GLB1: variants seen among roughly 807,000 people sequenced by gnomAD.
The protein encoded by GLB1 is galactosidase beta 1.
Under a neutral mutation model 74.0 loss-of-function variants are expected in GLB1, and 56 were observed. The observed-to-expected ratio is 0.76, with a 90% CI of 0.61 to 0.94. The LOEUF (loss-of-function observed/expected upper bound fraction) is 0.94, where lower values mean the gene tolerates loss of function less well. GLB1 is among the 40% of genes least tolerant of loss of function. GLB1 has a pLI of 0.00. For missense variants in GLB1, 787 were observed against 845.5 expected, an observed-to-expected ratio of 0.93 and a Z score of 0.86; for synonymous variants, 323 against 323.6, an observed-to-expected ratio of 1.00 and a Z score of 0.02.
chr3:33,054,577 C>A lies in GLB1; in HGVS notation c.734-1028G>T, dbSNP rs539313077. On this transcript the variant is annotated intron_variant, in intron 6 of 15. Transcript: ENST00000307363. ...CTTACAGCCTCAATAACACCATACA[C>A]ATGATACTACCACAAATATTTGCCA... Among the ~76,000 whole-genome samples the A allele has an allele frequency of 1.4e-4, 22 of 152,298 alleles. No individual in the cohort carries two copies. In the South Asian group the frequency reaches 3.7e-3, roughly 26 times the overall value.
At chr3:33,016,865 A>T in intron 13 of GLB1, 25 bp from the exon 14 acceptor site, 1 of 1,612,732 alleles carries the variant, frequency 6.2e-7, no homozygotes, top group Non-Finnish European at 8.5e-7. Flanking sequence ...ACCAAATGAC[A>T]ATTGAATTGA....
intron 13 of GLB1, 109 bp from the exon 14 acceptor site, chr3:33,016,949 CCAGA>C: frequency 1.3e-6 from 2 of 1,520,120 alleles, no homozygotes; most frequent in Non-Finnish European, 1.8e-6. Flanking sequence ...TGAAGTGTCA[CCAGA>C]CTTGGAAAGA....
chr3:32,990,670 T>C, the GLB1 span, among the ~76,000 whole-genome samples: 1 of 152,086 alleles, frequency 6.6e-6, no homozygotes, highest in East Asian at 1.9e-4. Context: ...GCCAAAGCAC[T>C]CTGGTAAAAA....
At chr3:33,085,814 C>T (rs1235880839) in intron 1 of GLB1, among the ~76,000 whole-genome samples, 1 of 151,272 alleles carries the variant, frequency 6.6e-6, no homozygotes, top group Non-Finnish European at 1.5e-5. Context: ...ATTACAGGTT[C>T]ACACCTGTAA....
At chr3:33,017,182 A>G (rs1321915128) in intron 13 of GLB1, among the ~76,000 whole-genome samples, 1 of 152,234 alleles carries the variant, frequency 6.6e-6, no homozygotes, top group East Asian at 1.9e-4. Context: ...TGACAGCACA[A>G]AAGTCACTCA....
intron 15 of GLB1, among the ~76,000 whole-genome samples, chr3:33,009,066 C>A (rs777752721): frequency 1.3e-5 from 2 of 151,090 alleles, no homozygotes; most frequent in Non-Finnish European, 2.9e-5. Context: ...TTGCAGTGAG[C>A]CAAGATTGTG....
At chr3:33,075,913 T>G (rs1361896513) in intron 1 of GLB1, among the ~76,000 whole-genome samples, 1 of 151,458 alleles carries the variant, frequency 6.6e-6, no homozygotes, top group Non-Finnish European at 1.5e-5. Flanking sequence ...GGCGTGGTGG[T>G]AGGTGCCTGT....
intron 1 of GLB1, among the ~76,000 whole-genome samples, chr3:33,089,139 G>A (rs1461826027): frequency 6.6e-6 from 1 of 152,142 alleles, no homozygotes; most frequent in Non-Finnish European, 1.5e-5. Flanking sequence ...AATTCAATAT[G>A]GGTTAAAGAC....
intron 6 of GLB1, 45 bp from the exon 7 acceptor site, chr3:33,053,594 C>T (rs748653171): frequency 1.7e-5 from 28 of 1,613,284 alleles, no homozygotes; most frequent in Non-Finnish European, 2.2e-5. Context: ...GTGGAAATGA[C>T]AAGAAGTTAA....
intron 10 of GLB1, chr3:33,045,838 A>T: frequency 1.9e-6 from 2 of 1,047,890 alleles, no homozygotes; most frequent in Non-Finnish European, 2.5e-6. Context: ...GTGAATTCTC[A>T]CCATATAAGA....
At chr3:33,024,537 T>A in intron 10 of GLB1, 1 of 545,166 alleles carries the variant, frequency 1.8e-6, no homozygotes, top group Non-Finnish European at 3.2e-6. Flanking sequence ...GCTTCAGGAA[T>A]ATCCAAATAA....
At chr3:33,052,032 A>C (rs1333121694) in intron 7 of GLB1, 28 bp from the exon 8 acceptor site, 3 of 1,612,042 alleles carry the variant, frequency 1.9e-6, no homozygotes, top group Non-Finnish European at 2.5e-6. Context: ...CGTAGCCCTT[A>C]GGATAGACTT....
the GLB1 span, among the ~76,000 whole-genome samples, chr3:32,985,104 CAA>C: frequency 6.5e-5 from 4 of 61,972 alleles, no homozygotes; most frequent in Admixed American, 1.8e-4. Flanking sequence ...AACTCTGTCT[CAA>C]AAAAAAAAAA....
intron 10 of GLB1, among the ~76,000 whole-genome samples, chr3:33,026,612 T>C (rs1423436035): frequency 6.6e-6 from 1 of 152,100 alleles, no homozygotes; most frequent in Non-Finnish European, 1.5e-5. Flanking sequence ...TGCTTTTCCC[T>C]GGGCCTGCCA....
the GLB1 span, among the ~76,000 whole-genome samples, chr3:32,975,249 T>C: frequency 1.3e-5 from 2 of 152,010 alleles, no homozygotes; most frequent in African/African-American, 2.4e-5. Context: ...GCCCATATAA[T>C]TTTTAAATTT....
intron 15 of GLB1, among the ~76,000 whole-genome samples, chr3:33,006,432 GACCACACA>G (rs1259748303): frequency 6.6e-6 from 1 of 151,550 alleles, no homozygotes; most frequent in Non-Finnish European, 1.5e-5. Flanking sequence ...CCCCACCCCT[GACCACACA>G]GTCCATGGAA....
At chr3:32,962,168 TGGGCGACAGAGTG>T in the GLB1 span, among the ~76,000 whole-genome samples, 13 of 145,622 alleles carry the variant, frequency 8.9e-5, no homozygotes, top group Admixed American at 9.1e-4. Flanking sequence ...CACTTCAGCC[TGGGCGACAGAGTG>T]AGACTACATA....
intron 14 of GLB1, among the ~76,000 whole-genome samples, chr3:33,014,628 C>T (rs1697167927): frequency 6.6e-6 from 1 of 152,150 alleles, no homozygotes; most frequent in African/African-American, 2.4e-5. Flanking sequence ...CCCAAATTTT[C>T]AGAGTTTGGC....
intron 1 of GLB1, among the ~76,000 whole-genome samples, chr3:33,078,532 C>T (rs754912039): frequency 5.3e-5 from 8 of 152,136 alleles, no homozygotes; most frequent in Non-Finnish European, 1.0e-4. Context: ...CAATTGAACC[C>T]GAATCTAATA....
Sources: gnomAD v4.1 joint callset for allele counts (sites outside exome capture counted in the v4.1 genomes callset) on GRCh38, gnomAD v4.1.1 for gene constraint, MANE v1.5 for transcripts, NCBI Gene and HGNC (gene_info 2026-07-23, HGNC 2026-07-21) for gene names.